Variants in KATNIP observed in about 807,000 individuals in gnomAD.
KATNIP encodes the protein katanin interacting protein, also known as katanin-interacting protein.
In KATNIP, 126 loss-of-function variants were observed where a neutral mutation model predicts 174.0. That is an observed-to-expected ratio of 0.72 (90% CI 0.63 to 0.84). The LOEUF is 0.84. KATNIP is among the 40% of genes least tolerant of loss of function. KATNIP has a pLI of 0.00. For synonymous variants in KATNIP, 810 were observed against 835.7 expected (o/e 0.97, Z 0.53); for missense variants, 1,958 against 2,109.7 (o/e 0.93, Z 1.41).
Position 27,761,404 on chromosome 16 carries a change from C to T in KATNIP, c.3632-9C>T. On this transcript the variant is annotated splice_polypyrimidine_tract_variant and intron_variant, in intron 18 of 27. Transcript: ENST00000261588. ...TGGTGCTAATGGGCCACTTCTCTTC[C>T]TGTTGCAGGCCTTCAGCTGAATTTC... 1.2e-6 allele frequency: 2 copies of T among 1,601,640 alleles called. No individual in the cohort carries two copies. The highest frequency in any genetic ancestry group is 1.7e-6 in the Non-Finnish European group (2 of 1,173,472).
intron 12 of KATNIP, among the ~76,000 whole-genome samples, chr16:27,705,418 TC>T (rs1335175078): frequency 6.6e-6 from 1 of 152,152 alleles, no homozygotes; most frequent in African/African-American, 2.4e-5. Flanking sequence ...GGACTAGAGT[TC>T]CAGCTTTGAA....
chr16:27,601,967 C>T (rs902561324), intron 2 of KATNIP, among the ~76,000 whole-genome samples: 13 of 152,064 alleles, frequency 8.5e-5, no homozygotes, highest in Middle Eastern at 3.4e-3. Flanking sequence ...CAAAGATTGG[C>T]GGAGGGTGGC....
In KATNIP at chr16:27,777,176, C is replaced by A; in HGVS notation, c.4551+147C>A. On this transcript the variant is annotated intron_variant, in intron 25 of 27. Transcript: ENST00000261588. The surrounding 1 kb of genome is among the most constrained non-coding windows in gnomAD (Gnocchi z 4.4). ...CTGGTCGTCAGATGCAGGCGAATTTCCCACCCAACCATGAATTCAGAACCT... is the reference window on the plus strand; with the variant it reads ...CTGGTCGTCAGATGCAGGCGAATTTACCACCCAACCATGAATTCAGAACCT... 1.6e-6 allele frequency: 1 copy of A among 628,226 alleles called. No individual in the cohort carries two copies. The highest frequency in any genetic ancestry group is 2.6e-5 in the Admixed American group (1 of 38,068). The allele number at this position is 628,226 out of a possible 1,614,324, so 38.9% of individuals were successfully genotyped here.
intron 3 of KATNIP, among the ~76,000 whole-genome samples, chr16:27,619,470 T>A (rs1226474082): frequency 6.6e-6 from 1 of 152,186 alleles, no homozygotes; most frequent in Non-Finnish European, 1.5e-5. Context: ...CTCTGTGTTA[T>A]CGGAGTGGGC....
chr16:27,711,608 T>G (rs2079577829), intron 13 of KATNIP, among the ~76,000 whole-genome samples: 1 of 152,196 alleles, frequency 6.6e-6, no homozygotes, highest in Admixed American at 6.5e-5. Context: ...GGGCAGGACA[T>G]CTTGATGCCA....
intron 11 of KATNIP, among the ~76,000 whole-genome samples, chr16:27,702,900 C>T (rs117291504): frequency 0.019 from 2,829 of 152,318 alleles, 36 homozygotes; most frequent in Non-Finnish European, 0.029. Context: ...GGTGCAGTGG[C>T]TCATGCCTGT....
intron 5 of KATNIP, among the ~76,000 whole-genome samples, chr16:27,646,049 AT>A (rs2076947937): frequency 1.3e-5 from 2 of 152,318 alleles, no homozygotes; most frequent in South Asian, 4.1e-4. Flanking sequence ...TGGCATTCAG[AT>A]TGGGAGAATA....
chr16:27,693,443 C>T (rs2078804350), intron 8 of KATNIP, among the ~76,000 whole-genome samples: 1 of 152,064 alleles, frequency 6.6e-6, no homozygotes, highest in Admixed American at 6.6e-5. Flanking sequence ...GGCTGGAGTG[C>T]CGTGGCATGA....
intron 2 of KATNIP, among the ~76,000 whole-genome samples, chr16:27,583,279 C>T (rs948003666): frequency 1.3e-5 from 2 of 152,146 alleles, no homozygotes; most frequent in Admixed American, 1.3e-4. Context: ...TTCCCTTTCC[C>T]GAGTCTGTTT....
intron 8 of KATNIP, among the ~76,000 whole-genome samples, chr16:27,683,389 G>A (rs1218594707): frequency 6.6e-6 from 1 of 152,168 alleles, no homozygotes; most frequent in Non-Finnish European, 1.5e-5. Flanking sequence ...TCAAGGTGTT[G>A]GAGGAGCCAG....
rs576142549 is a variant in KATNIP, at chr16:27,550,219, C to G, written c.7+42C>G. On this transcript the variant is annotated intron_variant, in intron 1 of 27. Coordinates refer to ENST00000261588, the MANE Select transcript of KATNIP (RefSeq NM_015202.5). ...CCCTCCGGGAGGTCGGGCTGTTATT[C>G]TCCCATCCCTCCCGACCGCGCTTTG... is the stretch of plus-strand genomic sequence containing the variant. 1.9e-6 allele frequency: 3 copies of G among 1,593,484 alleles called. No individual in the cohort carries two copies. In the South Asian group the frequency reaches 3.3e-5, roughly 18 times the overall value.
At chr16:27,570,827 A>G (rs1401482911) in intron 1 of KATNIP, among the ~76,000 whole-genome samples, 1 of 152,190 alleles carries the variant, frequency 6.6e-6, no homozygotes, top group African/African-American at 2.4e-5. Context: ...ACATAGGCAA[A>G]TACTAGTATA....
intron 8 of KATNIP, among the ~76,000 whole-genome samples, chr16:27,683,306 A>G (rs754276489): frequency 1.1e-4 from 16 of 152,162 alleles, no homozygotes; most frequent in Non-Finnish European, 1.6e-4. Context: ...GGGGCCTTCA[A>G]AGTACCACAA....
intron 8 of KATNIP, among the ~76,000 whole-genome samples, chr16:27,682,201 A>G (rs1425846189): frequency 6.6e-6 from 1 of 152,264 alleles, no homozygotes; most frequent in Non-Finnish European, 1.5e-5. Context: ...TGAACAGACC[A>G]GCTTTGTCTA....
chr16:27,647,047 G>A (rs760974741), intron 5 of KATNIP, among the ~76,000 whole-genome samples: 3 of 140,014 alleles, frequency 2.1e-5, no homozygotes, highest in South Asian at 2.6e-4. Flanking sequence ...ACGGGTTCAC[G>A]CGGTTCCTCT....
intron 2 of KATNIP, among the ~76,000 whole-genome samples, chr16:27,577,881 AT>A (rs1490684404): frequency 1.3e-5 from 2 of 152,068 alleles, no homozygotes; most frequent in East Asian, 3.9e-4. Flanking sequence ...TCAAAAAAAA[AT>A]TTTTTTTAAT....
At chr16:27,640,313 C>T (rs956262670) in intron 5 of KATNIP, among the ~76,000 whole-genome samples, 2 of 152,206 alleles carry the variant, frequency 1.3e-5, no homozygotes, top group Non-Finnish European at 2.9e-5. Context: ...GCGTGCCAAG[C>T]GGGGAGCTAG....
chr16:27,634,319 G>T (rs2076573283), intron 5 of KATNIP, among the ~76,000 whole-genome samples: 1 of 152,156 alleles, frequency 6.6e-6, no homozygotes. Context: ...AGACCACTCA[G>T]GCTATTTTAA....
chr16:27,587,973 T>C (rs919774638), intron 2 of KATNIP, among the ~76,000 whole-genome samples: 1 of 150,754 alleles, frequency 6.6e-6, no homozygotes, highest in East Asian at 1.9e-4. Context: ...TGGTGTGCAG[T>C]GGCATGAACA....
Sources: gnomAD v4.1 joint callset for allele counts (sites outside exome capture counted in the v4.1 genomes callset) on GRCh38, gnomAD v4.1.1 for gene constraint, Gnocchi (gnomAD v3.1) non-coding constraint, MANE v1.5 for transcripts, NCBI Gene and HGNC (gene_info 2026-07-23, HGNC 2026-07-21) for gene names.